Variants in GRID2IP observed in about 807,000 individuals in gnomAD.
GRID2IP encodes the protein delphilin.
In GRID2IP, 78 loss-of-function variants were observed where a neutral mutation model predicts 114.3. The observed-to-expected ratio is 0.68, with a 90% CI of 0.57 to 0.82. The LOEUF is 0.82. GRID2IP is among the 40% of genes least tolerant of loss of function. The pLI is 0.00. For missense variants in GRID2IP, 1,727 were observed against 1,678.5 expected, an observed-to-expected ratio of 1.03 and a Z score of -0.51; for synonymous variants, 809 against 724.0, an observed-to-expected ratio of 1.12 and a Z score of -1.89.
intron 16 of GRID2IP, among the ~76,000 whole-genome samples, 160 bp from the exon 17 acceptor site, chr7:6,503,323 A>T (rs1372814080): frequency 6.6e-6 from 1 of 152,120 alleles, no homozygotes; most frequent in Non-Finnish European, 1.5e-5. Flanking sequence ...CCTCCCATGT[A>T]CCTTGGACCC....
At chr7:6,545,124 T>A (rs761233688) in intron 1 of GRID2IP, among the ~76,000 whole-genome samples, 4 of 151,500 alleles carry the variant, frequency 2.6e-5, no homozygotes, top group Middle Eastern at 6.3e-3. Context: ...AGTAAAAAGT[T>A]AGCCAGATAT....
At position 6,521,937 on chromosome 7, in the gene GRID2IP, C is replaced by T; in HGVS notation, c.940G>A (p.Ala314Thr). The T allele has an allele frequency of 1.3e-6, 2 of 1,551,454 alleles. No individual in the cohort carries two copies. Among genetic ancestry groups the T allele is most frequent in the Non-Finnish European group, 1.7e-6 (2 of 1,146,854 alleles). Residue 314 changes from alanine to threonine, a missense_variant, in exon 5 of 22, where the codon GCC becomes ACC. Transcript: ENST00000457091. The surrounding 1 kb of genome is among the most constrained non-coding windows in gnomAD (Gnocchi z 4.1). The stretch of plus-strand genomic sequence containing the variant: ...AGGATCCGGTCACCTGACTTGAGGG[C>T]AGCATTGTCAGCTGGGCTCCCTGGA... Reference protein sequence around the residue: ...VLPGSPADNAALKSGDRILFL... With the variant: ...VLPGSPADNATLKSGDRILFL...
Position 6,532,490 on chromosome 7 carries a change from C to G in GRID2IP, c.585-5721G>C, listed in dbSNP as rs755687231. Among the ~76,000 whole-genome samples, 8 of 152,116 alleles carry G rather than the reference C, an allele frequency of 5.3e-5. No homozygotes were observed. Among genetic ancestry groups the G allele is most frequent in the Non-Finnish European group, 1.0e-4 (7 of 68,032 alleles). The stretch of plus-strand genomic sequence containing the variant: ...ACTGCTCCCCAATACACTGCAGCCC[C>G]CCATTCCTGGCCCTTGCAAGACCAT... On this transcript the variant is annotated intron_variant, in intron 2 of 21. Coordinates refer to ENST00000457091, the MANE Select transcript of GRID2IP (RefSeq NM_001145118.2). The surrounding 1 kb of genome is among the most constrained non-coding windows in gnomAD (Gnocchi z 4.4).
chr7:6,511,471 C>T (rs1296952160), intron 8 of GRID2IP, among the ~76,000 whole-genome samples: 1 of 152,036 alleles, frequency 6.6e-6, no homozygotes, highest in African/African-American at 2.4e-5. Context: ...CTCCCAGGTT[C>T]AAGCGATTCT....
rs902322747 is a variant in GRID2IP, at chr7:6,520,222, G to T, written c.1268+356C>A. Among the ~76,000 whole-genome samples, 1 of 152,128 alleles carries T rather than the reference G, an allele frequency of 6.6e-6. No homozygotes were observed. Among genetic ancestry groups the T allele is most frequent in the South Asian group, 2.1e-4 (1 of 4,824 alleles). The stretch of plus-strand genomic sequence containing the variant: ...CAGAAGAATCGCTTGAACCCAGGAG[G>T]CGGAGGCTGCAGTGAGCCAAGATCT... On this transcript the variant is annotated intron_variant, in intron 7 of 21. Coordinates refer to ENST00000457091, the MANE Select transcript of GRID2IP (RefSeq NM_001145118.2). This position sits in a 1 kb window ranked among gnomAD's most constrained non-coding sequence, Gnocchi z 4.6.
In GRID2IP at chr7:6,551,247, G is replaced by A. The variant is rs1301190962; in HGVS notation, c.190C>T (p.Arg64Cys). The change falls in exon 1 of 22, where the codon CGC (arginine) becomes TGC (cysteine). Residue 64 changes from arginine to cysteine, a missense_variant. Coordinates refer to ENST00000457091, the MANE Select transcript of GRID2IP (RefSeq NM_001145118.2). ...CAGCGCCGTGCCAGGCGCACGAGGC[G>A]CTCGCGGCTCAGACCGCCCACCGCC... The part of the protein sequence containing the change: ...GLAVGGLSRE[R>C]LVRLARRCPR... 3.3e-6 allele frequency: 5 copies of A among 1,532,092 alleles called. No homozygotes were observed. The highest frequency in any genetic ancestry group is 4.9e-5 in the East Asian group (2 of 40,592). The allele number at this position is 1,532,092 out of a possible 1,614,324, so 94.9% of individuals were successfully genotyped here.
Position 6,551,087 on chromosome 7 carries a change from A to G in GRID2IP, c.350T>C (p.Leu117Pro). The change falls in exon 1 of 22, where the codon CTG (leucine) becomes CCG (proline). Residue 117 changes from leucine (L) to proline (P), a missense_variant. Transcript: ENST00000457091. ...CGRGLALGRE[L>P]LRLAGRKRPD... ...GCGCTTGCGGCCGGCCAGGCGAAGC[A>G]GCTCACGGCCCAGAGCTAGGCCGCG... 10 of 1,315,608 alleles carry G rather than the reference A, an allele frequency of 7.6e-6. No homozygotes were observed. The highest frequency in any genetic ancestry group is 9.6e-6 in the Non-Finnish European group (10 of 1,036,490). 81.5% of individuals were successfully genotyped at this position (1,315,608 alleles called of 1,614,324 possible).
In GRID2IP at chr7:6,509,378, G is replaced by A; in HGVS notation, c.1772-65C>T. ...GCACCGAGGTTCCAGGTGCAAGCTG[G>A]AGAGAGGGTCCTAGGACAGACTGGC... is the stretch of plus-strand genomic sequence containing the variant. On this transcript the variant is annotated intron_variant, in intron 11 of 21. Coordinates refer to ENST00000457091, the MANE Select transcript of GRID2IP (RefSeq NM_001145118.2). The surrounding 1 kb of genome is among the most constrained non-coding windows in gnomAD (Gnocchi z 4.9). 7.2e-7 allele frequency: 1 copy of A among 1,393,996 alleles called. No homozygotes were observed. Among genetic ancestry groups the A allele is most frequent in the Non-Finnish European group, 9.6e-7 (1 of 1,046,146 alleles). 86.4% of individuals were successfully genotyped at this position (1,393,996 alleles called of 1,614,324 possible). A position where few individuals can be genotyped will look rare whatever the true frequency, so the allele number is the denominator to read the frequency against.
intron 1 of GRID2IP, among the ~76,000 whole-genome samples, chr7:6,540,274 G>T (rs942518113): frequency 2.6e-5 from 4 of 151,684 alleles, no homozygotes; most frequent in African/African-American, 9.7e-5. Context: ...CACCACGCCC[G>T]GCTGATTTTG....
At position 6,503,518 on chromosome 7, in the gene GRID2IP, G is replaced by A. The variant is rs1266440790; in HGVS notation, c.2880C>T (p.Leu960=). The part of the protein sequence containing the change: ...YQAFREAPGR[L]SEPDQFVLQM... The stretch of plus-strand genomic sequence containing the variant: ...GCAGGACGAACTGGTCCGGCTCGCT[G>A]AGGCGGCCGGGCGCCTCGCGGAAGG... Residue 960 remains leucine, a synonymous_variant, in exon 16 of 22, where the codon CTC becomes CTT. Transcript: ENST00000457091. The A allele has an allele frequency of 3.3e-6, 5 of 1,525,996 alleles. No homozygotes were observed. Among genetic ancestry groups the A allele is most frequent in the Middle Eastern group, 2.0e-4 (1 of 5,110 alleles). 94.5% of individuals were successfully genotyped at this position (1,525,996 alleles called of 1,614,324 possible).
At chr7:6,517,612 A>G (rs891747721) in intron 7 of GRID2IP, among the ~76,000 whole-genome samples, 14 of 152,156 alleles carry the variant, frequency 9.2e-5, no homozygotes, top group Non-Finnish European at 5.9e-5. Context: ...AGCATCTAAA[A>G]TATACAAAGG....
chr7:6,500,967 C>T (rs1583330970), intron 20 of GRID2IP, among the ~76,000 whole-genome samples: 1 of 152,194 alleles, frequency 6.6e-6, no homozygotes, highest in East Asian at 1.9e-4. Flanking sequence ...GGCTCCACTG[C>T]CCCAGAGGAC....
At position 6,528,145 on chromosome 7, in the gene GRID2IP, C is replaced by T. The variant is rs1779551840; in HGVS notation, c.585-1376G>A. Among the ~76,000 whole-genome samples, 1 of 152,072 alleles carries T rather than the reference C, an allele frequency of 6.6e-6. No individual in the cohort carries two copies. The highest frequency in any genetic ancestry group is 1.5e-5 in the Non-Finnish European group (1 of 68,026). On this transcript the variant is annotated intron_variant, in intron 2 of 21. Coordinates refer to ENST00000457091, the MANE Select transcript of GRID2IP (RefSeq NM_001145118.2). The surrounding 1 kb of genome is among the most constrained non-coding windows in gnomAD (Gnocchi z 6.0). ...CTCCTTGGCTCAAGTGATACTCCCA[C>T]CTCCACTTCTCGAAGTGCTGGGATT...
Position 6,509,050 on chromosome 7 carries a change from T to C in GRID2IP, c.2035A>G (p.Thr679Ala), listed in dbSNP as rs879195437. ...CTCAGCACGTCCAGGAAGCGGTCAG[T>C]ATCGCGGCTTCGCACAGGGTGGGAG... ...TFSHPVRSRDTDRFLDVLSEQ... is the reference protein window; with the variant it reads ...TFSHPVRSRDADRFLDVLSEQ... Residue 679 changes from threonine to alanine, a missense_variant, in exon 12 of 22, where the codon ACT (threonine) becomes GCT (alanine). Coordinates refer to ENST00000457091, the MANE Select transcript of GRID2IP (RefSeq NM_001145118.2). The surrounding 1 kb of genome is among the most constrained non-coding windows in gnomAD (Gnocchi z 4.9). The C allele has an allele frequency of 6.5e-7, 1 of 1,541,508 alleles. No homozygotes were observed.
At chr7:6,504,425 A>G (rs550101536) in intron 15 of GRID2IP, among the ~76,000 whole-genome samples, 67 of 151,552 alleles carry the variant, frequency 4.4e-4, no homozygotes, top group African/African-American at 1.3e-3. Context: ...GCCCTGAAAT[A>G]GAGACGGTCT....
In GRID2IP at chr7:6,546,523, C is replaced by T. The variant is rs1779890761; in HGVS notation, c.429+4485G>A. On this transcript the variant is annotated intron_variant, in intron 1 of 21. Coordinates refer to ENST00000457091, the MANE Select transcript of GRID2IP (RefSeq NM_001145118.2). ...GGCGGAGGTTGCAGTGAGCCAAGAT[C>T]ACGCCATTGCACTCCAGCCTGGGCA... is the stretch of plus-strand genomic sequence containing the variant. Among the ~76,000 whole-genome samples the T allele has an allele frequency of 1.3e-5, 2 of 148,932 alleles. 1 individual carries two copies. Among genetic ancestry groups the T allele is most frequent in the South Asian group, 4.2e-4 (2 of 4,722 alleles).
At position 6,510,984 on chromosome 7, in the gene GRID2IP, C is replaced by T. The variant is rs766023922; in HGVS notation, c.1479G>A (p.Pro493=). The change falls in exon 9 of 22, where the codon CCG becomes CCA. Residue 493 remains proline (P), a synonymous_variant. Coordinates refer to ENST00000457091, the MANE Select transcript of GRID2IP (RefSeq NM_001145118.2). ...LESEPTPEPQ[P]RSSLRASSMC... is the part of the protein sequence containing the mutation. Reference sequence around the variant, plus strand: ...TGGAGGAAGCCCGCAGGGAGCTCCGCGGCTGGGGCTCAGGCGTGGGCTCGG... The same window carrying T: ...TGGAGGAAGCCCGCAGGGAGCTCCGTGGCTGGGGCTCAGGCGTGGGCTCGG... The T allele has an allele frequency of 2.2e-5, 34 of 1,541,460 alleles. No individual in the cohort carries two copies. Among genetic ancestry groups the T allele is most frequent in the South Asian group, 1.2e-4 (10 of 83,600 alleles).
rs1554274226 is a variant in GRID2IP at position 6,501,915 on chromosome 7, C to T, written c.3281-16G>A. ...CGTTGGTTCACTGTAGGGAAGAGGA[C>T]AGGGGCTGCATGGGGCCACTCTCCC... On this transcript the variant is annotated splice_polypyrimidine_tract_variant and intron_variant, in intron 19 of 21. Transcript: ENST00000457091. The T allele has an allele frequency of 1.9e-6, 3 of 1,550,774 alleles. No individual in the cohort carries two copies. The South Asian group carries it at 3.6e-5, about 18-fold the overall frequency.
chr7:6,528,805 G>T lies in GRID2IP; in HGVS notation c.585-2036C>A, dbSNP rs1444718883. Among the ~76,000 whole-genome samples, 2 of 152,084 alleles carry T rather than the reference G, an allele frequency of 1.3e-5. No homozygotes were observed. The highest frequency in any genetic ancestry group is 4.8e-5 in the African/African-American group (2 of 41,394). On this transcript the variant is annotated intron_variant, in intron 2 of 21. Coordinates refer to ENST00000457091, the MANE Select transcript of GRID2IP (RefSeq NM_001145118.2). This position sits in a 1 kb window ranked among gnomAD's most constrained non-coding sequence, Gnocchi z 6.0. ...GCTCCAGGTCTCGATGGTCCGGGGG[G>T]TAACCAGGAACCAGGATGAATGTCC...
Sources: gnomAD v4.1 joint callset for allele counts (sites outside exome capture counted in the v4.1 genomes callset) on GRCh38, gnomAD v4.1.1 for gene constraint, Gnocchi (gnomAD v3.1) non-coding constraint, MANE v1.5 for transcripts, NCBI Gene and HGNC (gene_info 2026-07-23, HGNC 2026-07-21) for gene names.